The following SYT14 variants were observed in gnomAD, a reference collection of about 807,000 sequenced individuals.
SYT14 encodes the protein synaptotagmin-14.
Under a neutral mutation model 74.2 loss-of-function variants are expected in SYT14, and 32 were observed. That is an observed-to-expected ratio of 0.43 (90% CI 0.33 to 0.58). The LOEUF is 0.58. Ranked by LOEUF, SYT14 falls within the 20% of genes least tolerant of loss-of-function variation. SYT14 has a pLI of 0.05. For synonymous variants in SYT14, 298 were observed against 337.7 expected, an observed-to-expected ratio of 0.88 and a Z score of 1.29; for missense variants, 791 against 981.8, an observed-to-expected ratio of 0.81 and a Z score of 2.60.
At chr1:210,054,157 T>C (rs559730671) in intron 5 of SYT14, among the ~76,000 whole-genome samples, 2 of 152,320 alleles carry the variant, frequency 1.3e-5, no homozygotes, top group East Asian at 3.9e-4. Context: ...TGTAACATTG[T>C]ACCTGGGGTA....
intron 2 of SYT14, among the ~76,000 whole-genome samples, chr1:209,998,998 G>GAC (rs1223393146): frequency 2.0e-5 from 3 of 151,966 alleles, no homozygotes; most frequent in Non-Finnish European, 4.4e-5. Context: ...AGAGCAAAAA[G>GAC]ACAACATGTT....
At chr1:209,938,308 A>G in intron 1 of SYT14, 31 bp downstream of exon 1, 1 of 1,545,390 alleles carries the variant, frequency 6.5e-7, no homozygotes, top group Non-Finnish European at 8.8e-7. Context: ...GGGAGCGAGG[A>G]CCGGGACCAC....
intron 4 of SYT14, among the ~76,000 whole-genome samples, chr1:210,018,981 C>T (rs1225661430): frequency 6.6e-6 from 1 of 151,630 alleles, no homozygotes; most frequent in African/African-American, 2.4e-5. Context: ...ACTAAAAATA[C>T]AAAAATTAGC....
rs189633765 is a variant in SYT14 at position 209,997,954 on chromosome 1, A to G, written c.-485-15679A>G. 1.1e-4 allele frequency among the ~76,000 whole-genome samples: 16 copies of G among 152,292 alleles called. No homozygotes were observed. In the East Asian group the frequency reaches 2.7e-3, roughly 26 times the overall value. ...TGGAAATTATTCTTGAAGATTTATAATGTTCTTTATTTAAAAAGTTAAAGG... is the reference window on the plus strand; with the variant it reads ...TGGAAATTATTCTTGAAGATTTATAGTGTTCTTTATTTAAAAAGTTAAAGG... On this transcript the variant is annotated intron_variant, in intron 2 of 9. Coordinates refer to ENST00000637265, the Ensembl canonical transcript of SYT14.
chr1:210,082,252 A>T (rs138298838), intron 5 of SYT14, among the ~76,000 whole-genome samples: 2 of 152,226 alleles, frequency 1.3e-5, no homozygotes, highest in African/African-American at 4.8e-5. Flanking sequence ...TCTAGGTGAC[A>T]TCAGTCTTCC....
chr1:210,119,571 C>T (rs776628196), intron 7 of SYT14, among the ~76,000 whole-genome samples: 1 of 152,034 alleles, frequency 6.6e-6, no homozygotes, highest in Non-Finnish European at 1.5e-5. Context: ...TTGAAAGTTA[C>T]GTTGAATTTT....
rs375129008 is a variant in SYT14, at chr1:210,023,468, C to T, written c.1312+2214C>T. Among the ~76,000 whole-genome samples the T allele has an allele frequency of 7.2e-5, 11 of 152,266 alleles. No homozygotes were observed. The South Asian group carries it at 1.2e-3, about 17-fold the overall frequency. On this transcript the variant is annotated intron_variant, in intron 5 of 9. Coordinates refer to ENST00000637265, the Ensembl canonical transcript of SYT14. The stretch of plus-strand genomic sequence containing the variant: ...AAGAGATTCTCCTGCCTCAGCCTCC[C>T]GAGTAGCTGGGATTACAGGCGCCTG...
At chr1:210,132,875 A>G (rs1217449858) in intron 7 of SYT14, among the ~76,000 whole-genome samples, 1 of 152,188 alleles carries the variant, frequency 6.6e-6, no homozygotes, top group Non-Finnish European at 1.5e-5. Flanking sequence ...CCCCACTGTT[A>G]CAGATCTAAC....
chr1:210,033,091 A>G lies in SYT14; in HGVS notation c.1312+11837A>G, dbSNP rs77360753. Among the ~76,000 whole-genome samples, 980 of 152,040 alleles carry G rather than the reference A, an allele frequency of 6.4e-3. 5 individuals carry two copies. Among genetic ancestry groups the G allele is most frequent in the Non-Finnish European group, 9.7e-3 (660 of 67,812 alleles). ...AGCAAAAACCTACACTGAAATGTTC[A>G]GATGATAATGTCAGAAGAACATGTC... On this transcript the variant is annotated intron_variant, in intron 5 of 9. Transcript: ENST00000637265.
At chr1:210,158,807 G>A (rs936288141) in intron 8 of SYT14, among the ~76,000 whole-genome samples, 1 of 152,008 alleles carries the variant, frequency 6.6e-6, no homozygotes, top group African/African-American at 2.4e-5. Context: ...AAAGTAAAAG[G>A]TAAAACAGTT....
intron 1 of SYT14, among the ~76,000 whole-genome samples, chr1:209,942,587 C>T (rs1012158183): frequency 1.3e-5 from 2 of 152,088 alleles, no homozygotes; most frequent in Admixed American, 1.3e-4. Flanking sequence ...GCATTAATTT[C>T]CTAAGTAGTC....
chr1:209,947,641 A>G (rs1222053135), intron 1 of SYT14, among the ~76,000 whole-genome samples: 4 of 152,348 alleles, frequency 2.6e-5, no homozygotes, highest in South Asian at 2.1e-4. Flanking sequence ...TGAAGCTGCT[A>G]TGAACATTGT....
intron 2 of SYT14, among the ~76,000 whole-genome samples, chr1:209,964,105 A>T (rs1417732196): frequency 6.6e-6 from 1 of 152,074 alleles, no homozygotes; most frequent in East Asian, 1.9e-4. Context: ...CAAGGGAGGG[A>T]CCAGGTGGGA....
chr1:210,139,265 CTTTTTTTTT>C (rs960923188), intron 7 of SYT14, among the ~76,000 whole-genome samples: 1 of 95,858 alleles, frequency 1.0e-5, no homozygotes, highest in Non-Finnish European at 2.0e-5. Flanking sequence ...TTTCTTTTTT[CTTTTTTTTT>C]TTTTTTTTTT....
At chr1:209,969,084 T>G (rs2079203047) in intron 2 of SYT14, among the ~76,000 whole-genome samples, 1 of 152,160 alleles carries the variant, frequency 6.6e-6, no homozygotes, top group Non-Finnish European at 1.5e-5. Context: ...ATTTCATTAT[T>G]TTTTATGGCT....
At chr1:210,150,027 T>C (rs761481339) in intron 7 of SYT14, among the ~76,000 whole-genome samples, 28 of 152,312 alleles carry the variant, frequency 1.8e-4, no homozygotes, top group Non-Finnish European at 4.1e-4. Context: ...CCTGCCCCTG[T>C]ATTATGCTGA....
chr1:209,961,604 T>C (rs1219084333), intron 2 of SYT14, among the ~76,000 whole-genome samples: 1 of 152,116 alleles, frequency 6.6e-6, no homozygotes, highest in Non-Finnish European at 1.5e-5. Flanking sequence ...GAGGATCAAG[T>C]GAAATAAAGT....
chr1:210,014,310 G>A (rs1472100514), intron 3 of SYT14, among the ~76,000 whole-genome samples: 2 of 151,550 alleles, frequency 1.3e-5, no homozygotes, highest in Non-Finnish European at 2.9e-5. Context: ...AAAAAATAGT[G>A]TTCCACTCCC....
exon 10 of SYT14, chr1:210,167,884 A>G (rs1572406716): frequency 6.6e-6 from 1 of 152,124 alleles, no homozygotes; most frequent in East Asian, 1.9e-4. Context: ...ATACACTCAA[A>G]CTAGATACCA....
Sources: allele counts gnomAD v4.1 joint callset (sites outside exome capture counted in the v4.1 genomes callset), GRCh38; gene constraint gnomAD v4.1.1; transcripts MANE v1.5; gene names NCBI Gene and HGNC (gene_info 2026-07-23, HGNC 2026-07-21).